Variants in PSD3 observed in about 807,000 individuals in gnomAD.
PSD3 encodes the protein PH and SEC7 domain-containing protein 3.
Under a neutral mutation model 105.5 loss-of-function variants are expected in PSD3, and 49 were observed. The observed-to-expected ratio is 0.46, with a 90% CI of 0.37 to 0.59. The LOEUF is 0.59. Ranked by LOEUF, PSD3 falls within the 20% of genes least tolerant of loss-of-function variation. PSD3 has a pLI of 0.00. For synonymous variants in PSD3, 557 were observed against 457.8 expected, an observed-to-expected ratio of 1.22 and a Z score of -2.77; for missense variants, 1,561 against 1,263.8, an observed-to-expected ratio of 1.24 and a Z score of -3.57.
chr8:18,830,808 TCA>T (rs1268049044), intron 4 of PSD3, among the ~76,000 whole-genome samples: 1 of 152,182 alleles, frequency 6.6e-6, no homozygotes. Context: ...GGTTCTCTAA[TCA>T]CAGACTGGAT....
chr8:18,621,877 G>A (rs1191591826), intron 11 of PSD3, among the ~76,000 whole-genome samples: 1 of 152,182 alleles, frequency 6.6e-6, no homozygotes, highest in Non-Finnish European at 1.5e-5. Context: ...TAGTGTCGCT[G>A]TTCCCAATGT....
At chr8:18,910,932 C>CAAAAAAAAAAA (rs1306913309) in intron 2 of PSD3, among the ~76,000 whole-genome samples, 2 of 147,960 alleles carry the variant, frequency 1.4e-5, no homozygotes, top group Non-Finnish European at 1.5e-5. Context: ...ACATAAAATT[C>CAAAAAAAAAAA]AAAAAAATAA....
chr8:18,980,594 CATCTA>C (rs1270608584), intron 1 of PSD3, among the ~76,000 whole-genome samples: 1 of 152,056 alleles, frequency 6.6e-6, no homozygotes, highest in African/African-American at 2.4e-5. Flanking sequence ...CTATTCATCT[CATCTA>C]TTTTATCCTT....
At chr8:18,808,858 T>C (rs1811433415) in intron 4 of PSD3, 3 of 1,603,908 alleles carry the variant, frequency 1.9e-6, no homozygotes, top group Admixed American at 1.8e-5. Context: ...AGCTCCCAAG[T>C]TCAGTGACTG....
chr8:18,970,803 A>G (rs748703103), intron 1 of PSD3, among the ~76,000 whole-genome samples: 1 of 151,896 alleles, frequency 6.6e-6, no homozygotes, highest in Non-Finnish European at 1.5e-5. Context: ...AAAAATACAG[A>G]AATTAGCTGG....
intron 4 of PSD3, among the ~76,000 whole-genome samples, chr8:18,814,262 C>T (rs943047177): frequency 3.3e-5 from 5 of 152,214 alleles, no homozygotes; most frequent in Non-Finnish European, 2.9e-5. Flanking sequence ...CCACCCGCCG[C>T]ATACCTTCCA....
At chr8:18,536,356 G>T (rs1295230408) in intron 15 of PSD3, among the ~76,000 whole-genome samples, 3 of 152,102 alleles carry the variant, frequency 2.0e-5, no homozygotes, top group Non-Finnish European at 4.4e-5. Flanking sequence ...GCCTCCCCAG[G>T]TAGTCCAGGC....
Position 19,056,625 on chromosome 8 carries a change from C to T in PSD3, c.324+27581G>A, listed in dbSNP as rs766722067. ...TACATATTATGTCTGTGCACATTTT[C>T]CATTATCAGTTTGGCTCCTTCATCA... On this transcript the variant is annotated intron_variant, in intron 1 of 1. Transcript: ENST00000521475. 6.6e-5 allele frequency among the ~76,000 whole-genome samples: 10 copies of T among 152,182 alleles called. 1 individual carries two copies. Among genetic ancestry groups the T allele is most frequent in the Non-Finnish European group, 1.5e-5 (1 of 68,032 alleles).
chr8:18,557,476 G>A (rs944190584), intron 14 of PSD3: 4 of 154,110 alleles, frequency 2.6e-5, no homozygotes, highest in African/African-American at 9.6e-5. Flanking sequence ...ACGGACTTTT[G>A]TAATAATGTA....
chr8:18,826,621 T>C (rs1432530246), intron 4 of PSD3, among the ~76,000 whole-genome samples: 3 of 152,212 alleles, frequency 2.0e-5, no homozygotes, highest in Non-Finnish European at 4.4e-5. Flanking sequence ...CTACAGCTGA[T>C]TTTGGAACAT....
intron 4 of PSD3, chr8:18,865,298 T>C (rs866755476): frequency 2.2e-5 from 2 of 92,906 alleles, no homozygotes; most frequent in South Asian, 3.9e-4. Flanking sequence ...TTTTTTTTTT[T>C]TTTTTTTTTT....
chr8:18,554,219 G>A (rs1324303826), intron 15 of PSD3, among the ~76,000 whole-genome samples: 6 of 152,168 alleles, frequency 3.9e-5, no homozygotes, highest in Non-Finnish European at 7.4e-5. Flanking sequence ...AGCAGGGACT[G>A]AGGTGCTGGG....
chr8:18,828,027 CATATATATAATATATATATGTATATAT>C (rs1341257362), intron 4 of PSD3, among the ~76,000 whole-genome samples: 5 of 135,430 alleles, frequency 3.7e-5, no homozygotes, highest in South Asian at 2.3e-4. Context: ...TATACATATA[CATATATATAATATATATATGTATATAT>C]ATATATATAT....
rs77084907 is a variant in PSD3, at chr8:19,004,094, A to G, written c.21+9469T>C. On this transcript the variant is annotated intron_variant, in intron 1 of 15. Transcript: ENST00000327040. The stretch of plus-strand genomic sequence containing the variant: ...AAGTTTGGGAAACACTATTTAGATC[A>G]TGACATTACAGTATCTAAAAAGATC... 3.5e-3 allele frequency among the ~76,000 whole-genome samples: 526 copies of G among 152,192 alleles called. 4 individuals carry two copies. Among genetic ancestry groups the G allele is most frequent in the African/African-American group, 0.012 (487 of 41,556 alleles).
chr8:19,084,490 G>T, exon 1 of PSD3: 1 of 447,414 alleles, frequency 2.2e-6, no homozygotes, highest in South Asian at 1.6e-5. Flanking sequence ...ACTGGCCAGT[G>T]CTTCCAGCCC....
intron 2 of PSD3, among the ~76,000 whole-genome samples, chr8:18,902,151 TTTTC>T (rs1449844225): frequency 3.5e-4 from 53 of 152,326 alleles, no homozygotes; most frequent in African/African-American, 1.2e-3. Context: ...TTCTATGCTT[TTTTC>T]TTTCTGTTTT....
intron 9 of PSD3, among the ~76,000 whole-genome samples, chr8:18,750,483 T>C (rs1454455890): frequency 6.6e-6 from 1 of 152,132 alleles, no homozygotes; most frequent in East Asian, 1.9e-4. Flanking sequence ...CGGTGAGTGT[T>C]ACAACTCATA....
intron 15 of PSD3, among the ~76,000 whole-genome samples, chr8:18,547,635 GT>G (rs1442626937): frequency 6.6e-6 from 1 of 152,178 alleles, no homozygotes; most frequent in Non-Finnish European, 1.5e-5. Context: ...AGTTTCAGTT[GT>G]TTTTTGTGAG....
intron 4 of PSD3, chr8:18,864,756 T>C (rs983491585): frequency 4.6e-5 from 7 of 152,250 alleles, no homozygotes; most frequent in African/African-American, 1.4e-4. Flanking sequence ...AAATTTTTTT[T>C]CCTTTAATTC....
Sources: allele counts gnomAD v4.1 joint callset (sites outside exome capture counted in the v4.1 genomes callset), GRCh38; gene constraint gnomAD v4.1.1; transcripts MANE v1.5; gene names NCBI Gene and HGNC (gene_info 2026-07-23, HGNC 2026-07-21).